Variants in ZNF501 observed in about 807,000 individuals in gnomAD.
ZNF501 encodes the protein zinc finger protein 52.
ZNF501 carries 7 observed loss-of-function variants against 5.7 expected under a neutral mutation model. That is an observed-to-expected ratio of 1.24 (90% CI 0.70 to 2.32). ZNF501 has a LOEUF of 2.32. ZNF501 is among the 30% of genes most tolerant of loss of function. The probability of loss-of-function intolerance (pLI) is 0.00; values close to 1 mark genes in which losing one functional copy is unlikely to be tolerated. For synonymous variants in ZNF501, 107 were observed against 101.9 expected (o/e 1.05, Z -0.30); for missense variants, 352 against 321.1 (o/e 1.10, Z -0.73).
chr3:44,736,468 G>A lies in ZNF501; in HGVS notation c.*1231G>A, dbSNP rs1021450858. On this transcript the variant is annotated 3_prime_UTR_variant, in exon 3 of 3. Coordinates refer to ENST00000620116, the MANE Select transcript of ZNF501 (RefSeq NM_001258280.2). ...CTCAAATCTATATCTTTATAGATTT[G>A]CAGTTCTGGTTTATATAATACCAAA... The A allele has an allele frequency of 5.4e-5, 9 of 166,992 alleles. No individual in the cohort carries two copies. The highest frequency in any genetic ancestry group is 1.2e-4 in the Non-Finnish European group (8 of 68,102). 10.3% of individuals were successfully genotyped at this position (166,992 alleles called of 1,614,324 possible). A position where few individuals can be genotyped will look rare whatever the true frequency, so the allele number is the denominator to read the frequency against.
chr3:44,731,258 A>G (rs926135703), intron 1 of ZNF501, among the ~76,000 whole-genome samples: 2 of 152,228 alleles, frequency 1.3e-5, no homozygotes, highest in South Asian at 4.1e-4. Context: ...AGTCCTAGGA[A>G]GGACCTGCCC....
chr3:44,733,746 G>A (rs1194153655), intron 2 of ZNF501, among the ~76,000 whole-genome samples: 1 of 152,182 alleles, frequency 6.6e-6, no homozygotes, highest in Non-Finnish European at 1.5e-5. Flanking sequence ...TAGGTTTCCA[G>A]TTGGGCCTAG....
At position 44,736,948 on chromosome 3, in the gene ZNF501, T is replaced by C. The variant is rs1704710940; in HGVS notation, c.*1711T>C. On this transcript the variant is annotated 3_prime_UTR_variant, in exon 3 of 3. Coordinates refer to ENST00000620116, the MANE Select transcript of ZNF501 (RefSeq NM_001258280.2). ...GCTTATTTTCTCAATCCTTGATTCC[T>C]TCTCTTTACTTTTTTTTTCTTTTTT... is the stretch of plus-strand genomic sequence containing the variant. 1 of 167,064 alleles carries C rather than the reference T, an allele frequency of 6.0e-6. No individual in the cohort carries two copies. The highest frequency in any genetic ancestry group is 1.5e-5 in the Non-Finnish European group (1 of 68,112). 10.3% of individuals were successfully genotyped at this position (167,064 alleles called of 1,614,324 possible).
chr3:44,732,553 G>A (rs1004346993), intron 2 of ZNF501, among the ~76,000 whole-genome samples: 1 of 152,210 alleles, frequency 6.6e-6, no homozygotes, highest in African/African-American at 2.4e-5. Context: ...GCCCAAGCAG[G>A]TAGTCGTGAA....
Position 44,735,083 on chromosome 3 carries a change from G to T in ZNF501, c.662G>T (p.Ser221Ile). The T allele has an allele frequency of 1.2e-6, 2 of 1,614,146 alleles. No homozygotes were observed. The highest frequency in any genetic ancestry group is 1.7e-6 in the Non-Finnish European group (2 of 1,180,008). The change falls in exon 3 of 3, where the codon AGT (serine) becomes ATT (isoleucine). Residue 221 changes from serine (S) to isoleucine (I), a missense_variant. Ser to Ile is a moderately radical substitution (Grantham distance 142, BLOSUM62 -2). Coordinates refer to ENST00000620116, the MANE Select transcript of ZNF501 (RefSeq NM_001258280.2). ...ACTGGAGAGAAACTTTATAAGTGTA[G>T]TGAGTGTGAAAAAACTTTCCGCAAA... ...THTGEKLYKC[S>I]ECEKTFRKQA...
rs1319273075 is a variant in ZNF501 at position 44,729,935 on chromosome 3, T to G, written c.-391T>G. On this transcript the variant is annotated 5_prime_UTR_variant, in exon 1 of 3. Transcript: ENST00000620116. ...TACATACTTAAGCATGTCAGTGAAC[T>G]TCTGGGCACTTTAGTTTTCTGATTT... The G allele has an allele frequency of 6.6e-6, 1 of 152,256 alleles. No individual in the cohort carries two copies. Among genetic ancestry groups the G allele is most frequent in the Non-Finnish European group, 1.5e-5 (1 of 68,032 alleles). The allele number at this position is 152,256 out of a possible 1,614,324, so 9.4% of individuals were successfully genotyped here.
chr3:44,736,171 A>G lies in ZNF501; in HGVS notation c.*934A>G, dbSNP rs780199896. ...TGATGCCACTGACTAACAACTAGCC[A>G]CTTGTCAGAGGAAGGAGAGAACAGT... On this transcript the variant is annotated 3_prime_UTR_variant, in exon 3 of 3. Transcript: ENST00000620116. 1.2e-5 allele frequency: 2 copies of G among 167,130 alleles called. No homozygotes were observed. Among genetic ancestry groups the G allele is most frequent in the Non-Finnish European group, 2.9e-5 (2 of 68,140 alleles). 10.4% of individuals were successfully genotyped at this position (167,130 alleles called of 1,614,324 possible).
At position 44,734,587 on chromosome 3, in the gene ZNF501, G is replaced by C; in HGVS notation, c.166G>C (p.Gly56Arg). ...GEKPYVCSEC[G>R]SCFRKQSNLT... is the part of the protein sequence containing the mutation. ...GAAGCCCTATGTGTGCAGTGAATGT[G>C]GAAGTTGTTTCCGTAAACAGTCAAA... is the stretch of plus-strand genomic sequence containing the variant. Residue 56 changes from glycine to arginine, a missense_variant, in exon 3 of 3, where the codon GGA becomes CGA. Gly to Arg is a moderately radical substitution (Grantham distance 125). Coordinates refer to ENST00000620116, the MANE Select transcript of ZNF501 (RefSeq NM_001258280.2). 2 of 1,614,146 alleles carry C rather than the reference G, an allele frequency of 1.2e-6. No individual in the cohort carries two copies. Among genetic ancestry groups the C allele is most frequent in the Non-Finnish European group, 8.5e-7 (1 of 1,180,020 alleles).
intron 2 of ZNF501, 80 bp from the exon 3 acceptor site, chr3:44,734,117 A>G (rs1302248974): frequency 4.0e-6 from 1 of 248,806 alleles, no homozygotes; most frequent in Non-Finnish European, 7.8e-6. Context: ...GTTAGTTTTT[A>G]GTATTTGATT....
chr3:44,735,189 G>T lies in ZNF501; in HGVS notation c.768G>T (p.Arg256Ser), dbSNP rs1259645615. The change falls in exon 3 of 3, where the codon AGG becomes AGT. Residue 256 changes from arginine to serine, a missense_variant. Arg to Ser is a moderately radical substitution (Grantham distance 110, BLOSUM62 -1). Coordinates refer to ENST00000620116, the MANE Select transcript of ZNF501 (RefSeq NM_001258280.2). ...YECVGCGKSFRHSSALLRHQR... is the reference protein window; with the variant it reads ...YECVGCGKSFSHSSALLRHQR... ...GTGTTGGATGTGGGAAATCCTTTAG[G>T]CACAGTTCAGCACTTCTTCGACATC... 1 of 1,594,290 alleles carries T rather than the reference G, an allele frequency of 6.3e-7. No homozygotes were observed. Among genetic ancestry groups the T allele is most frequent in the Admixed American group, 1.7e-5 (1 of 57,698 alleles).
At position 44,729,686 on chromosome 3, in the gene ZNF501, A is replaced by G. The variant is rs1420787612; in HGVS notation, c.-640A>G. 1 of 152,282 alleles carries G rather than the reference A, an allele frequency of 6.6e-6. No homozygotes were observed. Among genetic ancestry groups the G allele is most frequent in the East Asian group, 1.9e-4 (1 of 5,172 alleles). 9.4% of individuals were successfully genotyped at this position (152,282 alleles called of 1,614,324 possible). A position where few individuals can be genotyped will look rare whatever the true frequency, so the allele number is the denominator to read the frequency against. ...GGACCTGAGTGTTGCAAGGTGCGAGAGGGGAGCGCCGCGGGGAGCGCCGCG... is the reference window on the plus strand; with the variant it reads ...GGACCTGAGTGTTGCAAGGTGCGAGGGGGGAGCGCCGCGGGGAGCGCCGCG... On this transcript the variant is annotated 5_prime_UTR_variant, in exon 1 of 3. Transcript: ENST00000620116.
At position 44,735,022 on chromosome 3, in the gene ZNF501, C is replaced by T; in HGVS notation, c.601C>T (p.Gln201Ter). 1 of 1,614,138 alleles carries T rather than the reference C, an allele frequency of 6.2e-7. No individual in the cohort carries two copies. Among genetic ancestry groups the T allele is most frequent in the African/African-American group, 1.3e-5 (1 of 75,042 alleles). The change falls in exon 3 of 3, where the codon CAG (glutamine) becomes TAG (stop). Residue 201 changes from glutamine (Q) to a stop codon, truncating the protein, a stop_gained. Coordinates refer to ENST00000620116, the MANE Select transcript of ZNF501 (RefSeq NM_001258280.2). LOFTEE classifies it high-confidence loss of function. ...CACTGAATGTGGTAAAGCCTTCACT[C>T]AGAACTCTTCCCTTGTTGAACATGA... Reference protein sequence around the residue: ...TCTECGKAFTQNSSLVEHERT... With the variant: ...TCTECGKAFT
At chr3:44,730,326 G>A (rs963763882) in intron 1 of ZNF501, among the ~76,000 whole-genome samples, 1 of 152,210 alleles carries the variant, frequency 6.6e-6, no homozygotes, top group African/African-American at 2.4e-5. Flanking sequence ...AAGTTTGCTG[G>A]TGGAAGACAG....
chr3:44,736,461 TA>T lies in ZNF501; in HGVS notation c.*1225del, dbSNP rs1166117231. On this transcript the variant is annotated 3_prime_UTR_variant, in exon 3 of 3. Coordinates refer to ENST00000620116, the MANE Select transcript of ZNF501 (RefSeq NM_001258280.2). The stretch of plus-strand genomic sequence containing the variant: ...ATTGAATCTCAAATCTATATCTTTA[TA>T]GATTTGCAGTTCTGGTTTATATAAT... 2 of 167,088 alleles carry T rather than the reference TA, an allele frequency of 1.2e-5. No homozygotes were observed. The highest frequency in any genetic ancestry group is 2.4e-5 in the African/African-American group (1 of 41,450). 10.4% of individuals were successfully genotyped at this position (167,088 alleles called of 1,614,324 possible).
Position 44,735,101 on chromosome 3 carries a change from T to C in ZNF501, c.680T>C (p.Phe227Ser). 1.9e-6 allele frequency: 3 copies of C among 1,614,122 alleles called. No individual in the cohort carries two copies. In the South Asian group the frequency reaches 3.3e-5, roughly 18 times the overall value. ...AAGTGTAGTGAGTGTGAAAAAACTT[T>C]CCGCAAACAAGCACACCTTAGTGAG... ...LYKCSECEKT[F>S]RKQAHLSEHY... is the part of the protein sequence containing the mutation. Residue 227 changes from phenylalanine to serine, a missense_variant, in exon 3 of 3, where the codon TTC becomes TCC. Coordinates refer to ENST00000620116, the MANE Select transcript of ZNF501 (RefSeq NM_001258280.2).
chr3:44,735,175 G>A lies in ZNF501; in HGVS notation c.754G>A (p.Gly252Arg). 6.2e-7 allele frequency: 1 copy of A among 1,611,266 alleles called. No individual in the cohort carries two copies. Among genetic ancestry groups the A allele is most frequent in the Non-Finnish European group, 8.5e-7 (1 of 1,178,332 alleles). ...AAAACCTTATGAGTGTGTTGGATGT[G>A]GGAAATCCTTTAGGCACAGTTCAGC... ...GEKPYECVGC[G>R]KSFRHSSALL... Residue 252 changes from glycine to arginine, a missense_variant, in exon 3 of 3, where the codon GGG (glycine) becomes AGG (arginine). Gly to Arg is a moderately radical substitution (Grantham distance 125). Transcript: ENST00000620116.
chr3:44,735,079 TGTA>T lies in ZNF501; in HGVS notation c.661_663del (p.Ser221del). The T allele has an allele frequency of 1.2e-6, 2 of 1,614,116 alleles. No homozygotes were observed. The highest frequency in any genetic ancestry group is 1.7e-6 in the Non-Finnish European group (2 of 1,180,004). ...TCACACTGGAGAGAAACTTTATAAG[TGTA>T]GTGAGTGTGAAAAAACTTTCCGCAA... On this transcript the variant is annotated inframe_deletion, in exon 3 of 3. Coordinates refer to ENST00000620116, the MANE Select transcript of ZNF501 (RefSeq NM_001258280.2).
rs1704577429 is a variant in ZNF501, at chr3:44,729,739, G to C, written c.-587G>C. 1 of 152,460 alleles carries C rather than the reference G, an allele frequency of 6.6e-6. No individual in the cohort carries two copies. Among genetic ancestry groups the C allele is most frequent in the African/African-American group, 2.4e-5 (1 of 41,474 alleles). 9.4% of individuals were successfully genotyped at this position (152,460 alleles called of 1,614,324 possible). On this transcript the variant is annotated 5_prime_UTR_variant, in exon 1 of 3. Coordinates refer to ENST00000620116, the MANE Select transcript of ZNF501 (RefSeq NM_001258280.2). ...AAGCGCATGGTGAGCGGTTTCTGCTGTGCCCGGCTGCCGCGGGTCGATTCC... is the reference window on the plus strand; with the variant it reads ...AAGCGCATGGTGAGCGGTTTCTGCTCTGCCCGGCTGCCGCGGGTCGATTCC...
At chr3:44,734,078 G>A (rs1212448884) in intron 2 of ZNF501, 119 bp from the exon 3 acceptor site, 1 of 206,262 alleles carries the variant, frequency 4.8e-6, no homozygotes, top group South Asian at 1.2e-4. Context: ...CACTGTGGGT[G>A]CAAATCTGGA....
Sources: gnomAD v4.1 joint callset for allele counts (sites outside exome capture counted in the v4.1 genomes callset) on GRCh38, gnomAD v4.1.1 for gene constraint, MANE v1.5 for transcripts, NCBI Gene and HGNC (gene_info 2026-07-23, HGNC 2026-07-21) for gene names.